PDE1C: variants seen among roughly 807,000 people sequenced by gnomAD.
The protein encoded by PDE1C is phosphodiesterase 1C, also known as dual specificity calcium/calmodulin-dependent 3',5'-cyclic nucleotide phosphodiesterase 1C.
Under a neutral mutation model 93.1 loss-of-function variants are expected in PDE1C, and 62 were observed. The observed-to-expected ratio is 0.67, with a 90% confidence interval of 0.54 to 0.82. The LOEUF (loss-of-function observed/expected upper bound fraction) is 0.82, where lower values mean the gene tolerates loss of function less well. PDE1C is among the 40% of genes least tolerant of loss of function. The pLI is 0.00. For synonymous variants in PDE1C, 325 were observed against 310.1 expected (o/e 1.05, Z -0.50); for missense variants, 742 against 884.6 (o/e 0.84, Z 2.04).
At chr7:32,314,525 C>T (rs1001943174) in intron 1 of PDE1C, among the ~76,000 whole-genome samples, 2 of 152,168 alleles carry the variant, frequency 1.3e-5, no homozygotes, top group African/African-American at 4.8e-5. Context: ...TGGACTTGCA[C>T]TCACACATGA....
At chr7:31,987,571 G>A (rs564177112) in intron 2 of PDE1C, among the ~76,000 whole-genome samples, 5 of 152,142 alleles carry the variant, frequency 3.3e-5, no homozygotes, top group South Asian at 4.2e-4. Context: ...CTGAGTCCTA[G>A]CTCTGAAAAG....
chr7:32,053,103 A>G (rs747551911), intron 1 of PDE1C, among the ~76,000 whole-genome samples: 42 of 152,200 alleles, frequency 2.8e-4, no homozygotes, highest in Non-Finnish European at 4.7e-4. Flanking sequence ...CAAACTATCT[A>G]TGTTCCAGTC....
At chr7:32,054,427 T>G (rs1793779912) in intron 1 of PDE1C, among the ~76,000 whole-genome samples, 2 of 152,214 alleles carry the variant, frequency 1.3e-5, no homozygotes, top group Admixed American at 1.3e-4. Flanking sequence ...TCATGTAGTG[T>G]GCCTGCCATG....
At chr7:32,243,062 T>A (rs986025242) in intron 1 of PDE1C, among the ~76,000 whole-genome samples, 24 of 152,080 alleles carry the variant, frequency 1.6e-4, no homozygotes, top group African/African-American at 4.8e-4. Flanking sequence ...CACAAACGAG[T>A]TACTCCTGGT....
intron 3 of PDE1C, chr7:32,077,890 G>A: frequency 1.0e-6 from 1 of 985,304 alleles, no homozygotes; most frequent in Non-Finnish European, 1.2e-6. Flanking sequence ...GAAATGAGGT[G>A]GTGAAGGTCC....
the PDE1C span, chr7:31,643,594 C>G: frequency 5.0e-6 from 8 of 1,613,924 alleles, no homozygotes; most frequent in Admixed American, 1.0e-4. Flanking sequence ...TGTGTGTGAT[C>G]CTGTTACCGC....
At chr7:31,949,869 T>C (rs1212476173) in intron 2 of PDE1C, among the ~76,000 whole-genome samples, 1 of 152,196 alleles carries the variant, frequency 6.6e-6, no homozygotes, top group South Asian at 2.1e-4. Flanking sequence ...AGAAGCCAAC[T>C]GTTATCATAA....
At chr7:31,995,615 C>A (rs751284419) in intron 2 of PDE1C, among the ~76,000 whole-genome samples, 4 of 152,024 alleles carry the variant, frequency 2.6e-5, no homozygotes, top group Non-Finnish European at 5.9e-5. Context: ...TAGATTTTGG[C>A]TTTGGCAAAA....
At chr7:32,182,677 AC>A (rs1158110199) in intron 2 of PDE1C, among the ~76,000 whole-genome samples, 1 of 152,186 alleles carries the variant, frequency 6.6e-6, no homozygotes, top group Non-Finnish European at 1.5e-5. Flanking sequence ...TCTATGATAA[AC>A]CCACAGGCAA....
chr7:32,200,892 GA>G (rs1804960345), intron 2 of PDE1C, among the ~76,000 whole-genome samples: 1 of 152,140 alleles, frequency 6.6e-6, no homozygotes, highest in African/African-American at 2.4e-5. Context: ...AATATTTTTG[GA>G]AAACACAATC....
At chr7:31,731,021 A>C in the PDE1C span, among the ~76,000 whole-genome samples, 2 of 152,074 alleles carry the variant, frequency 1.3e-5, no homozygotes, top group Non-Finnish European at 2.9e-5. Flanking sequence ...ACAGATAGGC[A>C]AATCATGGAG....
At chr7:32,267,781 C>T (rs1466583261) in intron 1 of PDE1C, among the ~76,000 whole-genome samples, 1 of 152,128 alleles carries the variant, frequency 6.6e-6, no homozygotes, top group Non-Finnish European at 1.5e-5. Flanking sequence ...TTTCTCTGTC[C>T]AGCCAAGGCC....
At chr7:32,118,151 C>T (rs1014169366) in intron 3 of PDE1C, among the ~76,000 whole-genome samples, 8 of 152,200 alleles carry the variant, frequency 5.3e-5, no homozygotes, top group Middle Eastern at 3.4e-3. Flanking sequence ...TACATGGCAT[C>T]GCCATGGTTA....
At chr7:32,132,063 T>C (rs1212892808) in intron 3 of PDE1C, among the ~76,000 whole-genome samples, 4 of 152,088 alleles carry the variant, frequency 2.6e-5, no homozygotes, top group African/African-American at 9.7e-5. Context: ...TCTAAGAAGA[T>C]AATATTAAGG....
intron 1 of PDE1C, among the ~76,000 whole-genome samples, chr7:32,213,020 T>C (rs372767121): frequency 6.6e-6 from 1 of 152,326 alleles, no homozygotes; most frequent in East Asian, 1.9e-4. Flanking sequence ...CATCACTTTT[T>C]ATCATTGTAA....
the PDE1C span, among the ~76,000 whole-genome samples, chr7:31,699,358 T>C: frequency 6.6e-6 from 1 of 152,198 alleles, no homozygotes; most frequent in Non-Finnish European, 1.5e-5. Context: ...GGGAGCAAGC[T>C]AGCACGGTCT....
intron 1 of PDE1C, among the ~76,000 whole-genome samples, chr7:32,309,440 A>G (rs948664986): frequency 6.6e-6 from 1 of 152,214 alleles, no homozygotes. Flanking sequence ...TCCAAGACAC[A>G]TAATTGTCAG....
chr7:32,048,032 T>A (rs891939858), intron 2 of PDE1C, among the ~76,000 whole-genome samples: 1 of 152,162 alleles, frequency 6.6e-6, no homozygotes, highest in Non-Finnish European at 1.5e-5. Context: ...AAATAAACCA[T>A]CAAGTAGGCA....
intron 1 of PDE1C, among the ~76,000 whole-genome samples, chr7:32,331,153 G>A (rs1322863821): frequency 3.3e-5 from 5 of 152,196 alleles, no homozygotes; most frequent in Non-Finnish European, 7.3e-5. Context: ...AGTTAGGTGA[G>A]TGACCTTCCT....
Sources: gnomAD v4.1 joint callset for allele counts (sites outside exome capture counted in the v4.1 genomes callset) on GRCh38, gnomAD v4.1.1 for gene constraint, MANE v1.5 for transcripts, NCBI Gene and HGNC (gene_info 2026-07-23, HGNC 2026-07-21) for gene names.